The following CIDEA variants were observed in gnomAD, a reference collection of about 807,000 sequenced individuals.
The protein encoded by CIDEA is lipid transferase CIDEA.
CIDEA carries 10 observed loss-of-function variants against 18.2 expected under a neutral mutation model. The ratio of observed to expected loss-of-function variants is 0.55; its 90% CI spans 0.34 to 0.93. CIDEA has a LOEUF of 0.93. CIDEA is among the 40% of genes least tolerant of loss of function. CIDEA has a pLI of 0.02. For missense variants in CIDEA, 309 were observed against 293.1 expected (o/e 1.05, Z -0.40); for synonymous variants, 128 against 124.8 (o/e 1.03, Z -0.17).
intron 3 of CIDEA, among the ~76,000 whole-genome samples, chr18:12,266,741 A>G (rs1912359276): frequency 6.6e-6 from 1 of 151,196 alleles, no homozygotes; most frequent in African/African-American, 2.4e-5. Context: ...TTTTTTTAAA[A>G]CAAGATACAA....
chr18:12,261,211 A>G (rs767985152), intron 1 of CIDEA, among the ~76,000 whole-genome samples: 3 of 152,178 alleles, frequency 2.0e-5, no homozygotes, highest in Non-Finnish European at 4.4e-5. Flanking sequence ...GGTGAAACTC[A>G]GTCTCTACTA....
At chr18:12,260,069 C>A (rs1048786697) in intron 1 of CIDEA, among the ~76,000 whole-genome samples, 2 of 152,140 alleles carry the variant, frequency 1.3e-5, no homozygotes, top group African/African-American at 4.8e-5. Flanking sequence ...CACAAACACT[C>A]ACGATTATGG....
chr18:12,257,892 G>A (rs1225706574), intron 1 of CIDEA, among the ~76,000 whole-genome samples: 1 of 152,208 alleles, frequency 6.6e-6, no homozygotes. Context: ...CAGCGGGCTG[G>A]AGGTGACTTG....
chr18:12,256,619 T>C (rs917325897), intron 1 of CIDEA, among the ~76,000 whole-genome samples: 4 of 152,242 alleles, frequency 2.6e-5, no homozygotes, highest in African/African-American at 9.6e-5. Context: ...AGCTGGTACA[T>C]GTTATAAGCT....
At chr18:12,276,366 C>T (rs1476733800) in intron 4 of CIDEA, among the ~76,000 whole-genome samples, 1 of 152,088 alleles carries the variant, frequency 6.6e-6, no homozygotes, top group African/African-American at 2.4e-5. Context: ...AATCATAGTT[C>T]ACTGCAGCTT....
At chr18:12,257,315 TG>T (rs1158421661) in intron 1 of CIDEA, among the ~76,000 whole-genome samples, 1 of 152,182 alleles carries the variant, frequency 6.6e-6, no homozygotes, top group Non-Finnish European at 1.5e-5. Context: ...CACTGCCCCC[TG>T]AATATTCCCA....
intron 3 of CIDEA, among the ~76,000 whole-genome samples, chr18:12,271,805 G>T (rs1408075358): frequency 6.6e-6 from 1 of 152,040 alleles, no homozygotes; most frequent in Admixed American, 6.5e-5. Flanking sequence ...AGACCAGAAC[G>T]CTGGAGCAGG....
intron 3 of CIDEA, among the ~76,000 whole-genome samples, chr18:12,267,586 C>T (rs1568103977): frequency 6.6e-6 from 1 of 152,056 alleles, no homozygotes; most frequent in African/African-American, 2.4e-5. Flanking sequence ...CTCTGCCTCC[C>T]TGGCTCAAGT....
At chr18:12,270,612 T>G (rs1269173320) in intron 3 of CIDEA, among the ~76,000 whole-genome samples, 1 of 140,422 alleles carries the variant, frequency 7.1e-6, no homozygotes, top group African/African-American at 2.7e-5. Context: ...TGTTCGAACC[T>G]GGGAGTTGGA....
chr18:12,274,054 G>A (rs767069890), intron 3 of CIDEA, 39 bp from the exon 4 acceptor site: 8 of 1,609,476 alleles, frequency 5.0e-6, no homozygotes, highest in Non-Finnish European at 6.8e-6. Flanking sequence ...GGAGGGTTAG[G>A]AAGGCTCCTG....
Position 12,264,437 on chromosome 18 carries a change from G to A in CIDEA, c.314G>A (p.Gly105Glu), listed in dbSNP as rs749676549. 2 of 1,613,820 alleles carry A rather than the reference G, an allele frequency of 1.2e-6. No individual in the cohort carries two copies. The highest frequency in any genetic ancestry group is 2.2e-5 in the South Asian group (2 of 90,988). Reference sequence around the variant, plus strand: ...ACGCATTTCATGATCTTGGAAAAAGGACAGAAGTGGATGCCGGTAAGCAAA... The same window carrying A: ...ACGCATTTCATGATCTTGGAAAAAGAACAGAAGTGGATGCCGGTAAGCAAA... Reference protein sequence around the residue: ...DNTHFMILEKGQKWMPGSQHV... With the variant: ...DNTHFMILEKEQKWMPGSQHV... The change falls in exon 3 of 5, where the codon GGA (glycine) becomes GAA (glutamate). Residue 105 changes from glycine to glutamate, a missense_variant. Physicochemically the swap from Gly to Glu is moderately conservative, Grantham distance 98. Coordinates refer to ENST00000320477, the MANE Select transcript of CIDEA (RefSeq NM_001279.4).
At chr18:12,273,258 C>T (rs1912601205) in intron 3 of CIDEA, among the ~76,000 whole-genome samples, 1 of 152,162 alleles carries the variant, frequency 6.6e-6, no homozygotes, top group South Asian at 2.1e-4. Context: ...CCATTCACAG[C>T]TTCAGCGGCT....
At chr18:12,264,800 G>C (rs4797660) in intron 3 of CIDEA, among the ~76,000 whole-genome samples, 127,273 of 152,092 alleles carry the variant, frequency 0.84, 55,036 homozygotes, top group Non-Finnish European at 0.95. Flanking sequence ...CGATCCGCCC[G>C]CCTCTGCCTC....
intron 1 of CIDEA, among the ~76,000 whole-genome samples, chr18:12,260,347 T>A (rs1419652244): frequency 6.8e-6 from 1 of 147,212 alleles, no homozygotes; most frequent in Non-Finnish European, 1.5e-5. Context: ...GACTAATTTT[T>A]TTTTTCAATT....
chr18:12,256,454 G>C (rs1912037352), intron 1 of CIDEA, among the ~76,000 whole-genome samples: 2 of 152,156 alleles, frequency 1.3e-5, no homozygotes, highest in South Asian at 4.1e-4. Context: ...GAATCGTTAG[G>C]GGCCTTGGTC....
chr18:12,275,310 T>C (rs923012220), intron 4 of CIDEA, among the ~76,000 whole-genome samples: 1 of 152,056 alleles, frequency 6.6e-6, no homozygotes, highest in Non-Finnish European at 1.5e-5. Context: ...ACCACTGCAC[T>C]CCAGACTGGG....
Position 12,264,246 on chromosome 18 carries a change from T to G in CIDEA, c.184-61T>G, listed in dbSNP as rs141032239. ...GAAAACTGTAACTTAATAAATGTCATTGGCTGGTCACATGGAAATACCTGG... is the reference window on the plus strand; with the variant it reads ...GAAAACTGTAACTTAATAAATGTCAGTGGCTGGTCACATGGAAATACCTGG... On this transcript the variant is annotated intron_variant, in intron 2 of 4. Transcript: ENST00000320477. 14 of 1,431,520 alleles carry G rather than the reference T, an allele frequency of 9.8e-6. No homozygotes were observed. In the African/African-American group the frequency reaches 1.8e-4, roughly 18 times the overall value. 88.7% of individuals were successfully genotyped at this position (1,431,520 alleles called of 1,614,324 possible). A position where few individuals can be genotyped will look rare whatever the true frequency, so the allele number is the denominator to read the frequency against.
chr18:12,257,498 T>C (rs4797654), intron 1 of CIDEA, among the ~76,000 whole-genome samples: 146,957 of 152,266 alleles, frequency 0.97, 71,136 homozygotes, highest in South Asian at 1. Flanking sequence ...AGTTCAGGTC[T>C]ACTGTCAGTC....
intron 3 of CIDEA, among the ~76,000 whole-genome samples, chr18:12,272,639 T>G (rs1057058250): frequency 5.3e-5 from 8 of 152,320 alleles, no homozygotes; most frequent in African/African-American, 1.9e-4. Flanking sequence ...TGAGCCACTG[T>G]GCCCGGCCTC....
Sources: gnomAD v4.1 joint callset for allele counts (sites outside exome capture counted in the v4.1 genomes callset) on GRCh38, gnomAD v4.1.1 for gene constraint, MANE v1.5 for transcripts, NCBI Gene and HGNC (gene_info 2026-07-23, HGNC 2026-07-21) for gene names.